CCDC91: variants seen among roughly 807,000 people sequenced by gnomAD.
CCDC91 encodes the protein coiled-coil domain containing 91, also known as coiled-coil domain-containing protein 91.
Under a neutral mutation model 63.2 loss-of-function variants are expected in CCDC91, and 48 were observed. The ratio of observed to expected loss-of-function variants is 0.76; its 90% CI spans 0.60 to 0.97. The LOEUF is 0.97. Ranked by LOEUF, CCDC91 falls within the 50% of genes least tolerant of loss-of-function variation. The probability of loss-of-function intolerance (pLI) is 0.00; values close to 1 mark genes in which losing one functional copy is unlikely to be tolerated. For missense variants in CCDC91, 500 were observed against 494.6 expected (o/e 1.01, Z -0.10); for synonymous variants, 167 against 165.8 (o/e 1.01, Z -0.06).
intron 12 of CCDC91, among the ~76,000 whole-genome samples, chr12:28,494,963 G>C (rs1032446965): frequency 6.6e-6 from 1 of 151,782 alleles, no homozygotes; most frequent in Non-Finnish European, 1.5e-5. Flanking sequence ...AGTTGGGCTG[G>C]ATATGAGACA....
At chr12:28,216,865 A>G (rs1943592526) in intron 1 of CCDC91, among the ~76,000 whole-genome samples, 1 of 152,088 alleles carries the variant, frequency 6.6e-6, no homozygotes, top group Non-Finnish European at 1.5e-5. Context: ...AGAATATCAT[A>G]AGCATCAGGG....
chr12:28,372,876 G>C lies in CCDC91; in HGVS notation c.654+10361G>C, dbSNP rs545690736. Among the ~76,000 whole-genome samples the C allele has an allele frequency of 1.5e-3, 227 of 152,230 alleles. 1 individual carries two copies. The highest frequency in any genetic ancestry group is 2.3e-3 in the Non-Finnish European group (156 of 67,986). The stretch of plus-strand genomic sequence containing the variant: ...GACTTCCAGTACTGTGTTGAACAGA[G>C]GTAGTGAAGATGGGCATCCTTGTCT... On this transcript the variant is annotated intron_variant, in intron 7 of 12. Coordinates refer to ENST00000536442, the MANE Select transcript of CCDC91 (RefSeq NM_018318.5).
Position 28,374,265 on chromosome 12 carries a change from G to A in CCDC91, c.654+11750G>A, listed in dbSNP as rs367791104. On this transcript the variant is annotated intron_variant, in intron 7 of 12. Coordinates refer to ENST00000536442, the MANE Select transcript of CCDC91 (RefSeq NM_018318.5). ...GAGGTCAGTATTATGAAAGACTCAT[G>A]ACATTCTCTTTATTCTCAGTGCATT... Among the ~76,000 whole-genome samples, 3 of 152,200 alleles carry A rather than the reference G, an allele frequency of 2.0e-5. No individual in the cohort carries two copies. The South Asian group carries it at 6.2e-4, about 32-fold the overall frequency.
At chr12:28,414,029 G>A (rs1947488171) in intron 8 of CCDC91, among the ~76,000 whole-genome samples, 1 of 152,146 alleles carries the variant, frequency 6.6e-6, no homozygotes, top group African/African-American at 2.4e-5. Flanking sequence ...TTGGGTCTGT[G>A]ATTTACCACT....
intron 11 of CCDC91, among the ~76,000 whole-genome samples, chr12:28,460,983 G>A (rs1246485660): frequency 2.6e-5 from 4 of 151,892 alleles, no homozygotes; most frequent in African/African-American, 9.7e-5. Flanking sequence ...AGAAACCTAG[G>A]TGGTACAGCC....
At chr12:28,230,442 T>C (rs1212631087) in intron 1 of CCDC91, among the ~76,000 whole-genome samples, 2 of 152,288 alleles carry the variant, frequency 1.3e-5, no homozygotes, top group East Asian at 3.9e-4. Flanking sequence ...AACTGAGTAC[T>C]AAATTTCAAT....
chr12:28,292,584 A>T (rs572709585), intron 3 of CCDC91, among the ~76,000 whole-genome samples: 1 of 152,020 alleles, frequency 6.6e-6, no homozygotes, highest in East Asian at 1.9e-4. Context: ...ACATGTGTTT[A>T]GGTATCTAGC....
intron 3 of CCDC91, 87 bp downstream of exon 3, chr12:28,259,529 T>C: frequency 1.3e-6 from 1 of 791,638 alleles, no homozygotes; most frequent in Non-Finnish European, 2.1e-6. Context: ...TTTCTCAACT[T>C]TTTTACTTGT....
chr12:28,476,396 A>G (rs550182084), intron 11 of CCDC91, among the ~76,000 whole-genome samples: 10 of 152,306 alleles, frequency 6.6e-5, no homozygotes, highest in African/African-American at 2.2e-4. Context: ...ATGAAGGCAC[A>G]AATAAAGATG....
chr12:28,539,007 G>A (rs1007874379), intron 12 of CCDC91, among the ~76,000 whole-genome samples: 2 of 151,976 alleles, frequency 1.3e-5, no homozygotes, highest in Admixed American at 6.6e-5. Context: ...CTGGATATTA[G>A]CCCTTTGTCA....
intron 6 of CCDC91, among the ~76,000 whole-genome samples, chr12:28,359,762 C>T (rs1943753135): frequency 6.7e-6 from 1 of 149,466 alleles, no homozygotes; most frequent in Non-Finnish European, 1.5e-5. Flanking sequence ...AGGTTATAAA[C>T]ATAAAATGGC....
intron 1 of CCDC91, among the ~76,000 whole-genome samples, chr12:28,210,845 A>G (rs1943185035): frequency 6.6e-6 from 1 of 152,008 alleles, no homozygotes; most frequent in Non-Finnish European, 1.5e-5. Flanking sequence ...GCCAGCAGCC[A>G]TTGTGATGGC....
intron 1 of CCDC91, among the ~76,000 whole-genome samples, chr12:28,254,108 TATC>T (rs1946291495): frequency 6.6e-6 from 1 of 152,216 alleles, no homozygotes; most frequent in African/African-American, 2.4e-5. Flanking sequence ...ATTTTTAGAA[TATC>T]AGCAGTGTAT....
chr12:28,267,908 T>TATTA (rs1947429527), intron 3 of CCDC91, among the ~76,000 whole-genome samples: 1 of 95,814 alleles, frequency 1.0e-5, no homozygotes, highest in South Asian at 2.7e-4. Flanking sequence ...ATAATTATAT[T>TATTA]ATATATAATT....
intron 11 of CCDC91, among the ~76,000 whole-genome samples, chr12:28,455,905 G>T (rs1566002013): frequency 6.6e-6 from 1 of 152,076 alleles, no homozygotes; most frequent in African/African-American, 2.4e-5. Context: ...AAAGCTTACA[G>T]AGATTATGTA....
intron 7 of CCDC91, 91 bp downstream of exon 7, chr12:28,362,606 A>T (rs921910341): frequency 1.5e-6 from 1 of 672,996 alleles, no homozygotes; most frequent in African/African-American, 1.9e-5. Flanking sequence ...TATACAAATT[A>T]TATGTGTAGT....
intron 3 of CCDC91, among the ~76,000 whole-genome samples, chr12:28,261,615 G>A (rs547952590): frequency 1.3e-5 from 2 of 152,078 alleles, no homozygotes; most frequent in Admixed American, 1.3e-4. Flanking sequence ...AAGGCAAATT[G>A]TACTTCTTTA....
At chr12:28,382,463 T>A (rs1945353753) in intron 7 of CCDC91, among the ~76,000 whole-genome samples, 1 of 151,074 alleles carries the variant, frequency 6.6e-6, no homozygotes, top group Non-Finnish European at 1.5e-5. Flanking sequence ...ACCATTAATG[T>A]AAAAAAAAAT....
intron 12 of CCDC91, among the ~76,000 whole-genome samples, chr12:28,539,852 G>A (rs1593002232): frequency 6.6e-6 from 1 of 152,032 alleles, no homozygotes; most frequent in East Asian, 1.9e-4. Flanking sequence ...TTGTTTGTTT[G>A]TTTAAGACTT....
Sources: allele counts gnomAD v4.1 joint callset (sites outside exome capture counted in the v4.1 genomes callset), GRCh38; gene constraint gnomAD v4.1.1; transcripts MANE v1.5; gene names NCBI Gene and HGNC (gene_info 2026-07-23, HGNC 2026-07-21).